Variants in WDR44 observed in about 807,000 individuals in gnomAD.
WDR44 encodes the protein WD repeat domain 44, also known as WD repeat-containing protein 44.
A neutral mutation model predicts 65.7 loss-of-function variants in WDR44; 9 were observed. The observed-to-expected ratio is 0.14, with a 90% CI of 0.08 to 0.24. The LOEUF is 0.24. Among genes scored for constraint, WDR44 ranks in the 10% least tolerant of loss-of-function variants. WDR44 has a pLI of 1.00. For missense variants in WDR44, 425 were observed against 670.9 expected (o/e 0.63, Z 4.05); for synonymous variants, 220 against 235.2 (o/e 0.94, Z 0.59).
intron 15 of WDR44, among the ~76,000 whole-genome samples, chrX:118,441,764 G>A (rs2057306543): frequency 1.8e-5 from 2 of 111,064 alleles, no homozygotes; most frequent in Admixed American, 9.7e-5. Context: ...TTTTTGAGAT[G>A]GAGTCTCACT....
chrX:118,447,507 G>A (rs1406201007), intron 19 of WDR44, among the ~76,000 whole-genome samples: 1 of 111,123 alleles, frequency 9.0e-6, no homozygotes, highest in Non-Finnish European at 1.9e-5. Flanking sequence ...TGTTCCTGAC[G>A]TGTTTGGCAA....
At chrX:118,361,782 C>T (rs1245358073) in intron 1 of WDR44, among the ~76,000 whole-genome samples, 2 of 111,457 alleles carry the variant, frequency 1.8e-5, no homozygotes, top group Non-Finnish European at 3.8e-5. Context: ...CACCTAAGCA[C>T]TTACACCATT....
rs538094857 is a variant in WDR44, at chrX:118,396,492, T to G, written c.1054-478T>G. Among the ~76,000 whole-genome samples, 315 of 112,316 alleles carry G rather than the reference T, an allele frequency of 2.8e-3. 2 individuals carry two copies. Among genetic ancestry groups the G allele is most frequent in the African/African-American group, 9.8e-3 (304 of 31,003 alleles). On this transcript the variant is annotated intron_variant, in intron 6 of 19. Coordinates refer to ENST00000254029, the MANE Select transcript of WDR44 (RefSeq NM_019045.5). ...TTAGCAATTAAAAGGAATGAAGGGA[T>G]AAAGTACTGATACATGCTACAACAT...
intron 12 of WDR44, among the ~76,000 whole-genome samples, chrX:118,431,140 C>A (rs1242468412): frequency 9.0e-6 from 1 of 111,644 alleles, no homozygotes; most frequent in African/African-American, 3.3e-5. Context: ...TTCCTGCCTC[C>A]ATGCTCTCTC....
At chrX:118,374,041 A>G (rs1440257941) in intron 1 of WDR44, among the ~76,000 whole-genome samples, 1 of 110,306 alleles carries the variant, frequency 9.1e-6, no homozygotes, top group Non-Finnish European at 1.9e-5. Flanking sequence ...TGCACCCATC[A>G]ATCCGTCATC....
intron 1 of WDR44, among the ~76,000 whole-genome samples, chrX:118,358,586 T>C (rs890183083): frequency 9.0e-6 from 1 of 111,404 alleles, no homozygotes; most frequent in Admixed American, 9.5e-5. Context: ...ATGCCTGTAG[T>C]CCTAGCTATT....
intron 12 of WDR44, among the ~76,000 whole-genome samples, chrX:118,420,643 A>G (rs2057097175): frequency 8.9e-6 from 1 of 111,792 alleles, no homozygotes. Context: ...ACTCAGTTCC[A>G]ATTCCCTAGT....
intron 13 of WDR44, 65 bp downstream of exon 13, chrX:118,432,959 A>C: frequency 9.8e-7 from 1 of 1,018,004 alleles, no homozygotes; most frequent in Non-Finnish European, 1.4e-6. Context: ...TGTAGTCTTA[A>C]AGCAGAATTT....
intron 13 of WDR44, among the ~76,000 whole-genome samples, chrX:118,434,043 C>T (rs1352336578): frequency 8.9e-6 from 1 of 112,323 alleles, no homozygotes; most frequent in African/African-American, 3.2e-5. Context: ...GAGCATTACT[C>T]TCTAGCCCAT....
chrX:118,418,773 C>CT (rs1157753243), intron 12 of WDR44, among the ~76,000 whole-genome samples: 7 of 110,906 alleles, frequency 6.3e-5, no homozygotes, highest in African/African-American at 2.3e-4. Context: ...TTGTCTTCAG[C>CT]TACCAGGGTG....
intron 1 of WDR44, among the ~76,000 whole-genome samples, chrX:118,357,483 G>A (rs2056471124): frequency 9.1e-6 from 1 of 110,203 alleles, no homozygotes; most frequent in African/African-American, 3.3e-5. Context: ...AGTCTGAGTA[G>A]TTCACTAATA....
intron 12 of WDR44, among the ~76,000 whole-genome samples, chrX:118,411,704 A>G (rs1409396353): frequency 8.9e-6 from 1 of 112,059 alleles, no homozygotes; most frequent in Admixed American, 9.5e-5. Flanking sequence ...CATTTTCAAT[A>G]GACATATTTA....
At chrX:118,403,932 A>G (rs1274836297) in intron 8 of WDR44, among the ~76,000 whole-genome samples, 2 of 111,844 alleles carry the variant, frequency 1.8e-5, no homozygotes, top group Non-Finnish European at 3.8e-5. Flanking sequence ...TTATTGGTAA[A>G]ATGTGTTTTT....
At chrX:118,415,424 T>C (rs1188022685) in intron 12 of WDR44, among the ~76,000 whole-genome samples, 3 of 112,001 alleles carry the variant, frequency 2.7e-5, no homozygotes, top group African/African-American at 6.5e-5. Context: ...TCCCTCTTTT[T>C]CTATCTTGTG....
chrX:118,352,331 TATATATATATA>T (rs2056414617), intron 1 of WDR44, among the ~76,000 whole-genome samples: 1 of 15,705 alleles, frequency 6.4e-5, no homozygotes, highest in East Asian at 3.3e-3. Context: ...TATATATATA[TATATATATATA>T]TATATATATA....
At chrX:118,353,780 C>G (rs1358530975) in intron 1 of WDR44, among the ~76,000 whole-genome samples, 1 of 112,059 alleles carries the variant, frequency 8.9e-6, no homozygotes, top group Admixed American at 9.5e-5. Flanking sequence ...TGATTTTAGA[C>G]TCAGTATCAT....
intron 1 of WDR44, among the ~76,000 whole-genome samples, chrX:118,376,828 C>T (rs2056664617): frequency 9.2e-6 from 1 of 108,915 alleles, no homozygotes; most frequent in Non-Finnish European, 1.9e-5. Flanking sequence ...ATATGGCAAA[C>T]CCCGTCTCTA....
intron 2 of WDR44, chrX:118,386,516 A>C (rs2056768721): frequency 3.0e-6 from 1 of 336,722 alleles, no homozygotes; most frequent in African/African-American, 2.8e-5. Context: ...GGCTTCATTT[A>C]ACTTCTGGTT....
At chrX:118,442,204 C>T (rs2057309984) in intron 15 of WDR44, 40 bp from the exon 16 acceptor site, 2 of 1,103,825 alleles carry the variant, frequency 1.8e-6, no homozygotes, top group Admixed American at 2.2e-5. Context: ...ACCACACATG[C>T]TCCTAATTCT....
Sources: allele counts gnomAD v4.1 joint callset (sites outside exome capture counted in the v4.1 genomes callset), GRCh38; gene constraint gnomAD v4.1.1; transcripts MANE v1.5; gene names NCBI Gene and HGNC (gene_info 2026-07-23, HGNC 2026-07-21).